The following ALG3 variants were observed in gnomAD, a reference collection of about 807,000 sequenced individuals.
ALG3 encodes dol-P-Man:Man(5)GlcNAc(2)-PP-Dol alpha-1,3-mannosyltransferase.
A neutral mutation model predicts 50.5 loss-of-function variants in ALG3; 39 were observed. The observed-to-expected ratio is 0.77, with a 90% CI of 0.60 to 1.01. The LOEUF (loss-of-function observed/expected upper bound fraction) is 1.01. ALG3 is among the 50% of genes least tolerant of loss of function. The pLI is 0.00. For synonymous variants in ALG3, 252 were observed against 237.2 expected (o/e 1.06, Z -0.58); for missense variants, 520 against 554.8 (o/e 0.94, Z 0.63).
chr3:184,244,459 G>T, intron 5 of ALG3, 142 bp downstream of exon 5: 1 of 1,015,738 alleles, frequency 9.8e-7, no homozygotes, highest in Non-Finnish European at 1.4e-6. Context: ...GGAAACTACA[G>T]CCTAGCGATA....
intron 5 of ALG3, chr3:184,244,345 A>T: frequency 1.8e-6 from 1 of 546,868 alleles, no homozygotes; most frequent in Non-Finnish European, 3.2e-6. Flanking sequence ...GGAGTTTGAG[A>T]CCAGCCTGGG....
Position 184,243,868 on chromosome 3 carries a change from C to A in ALG3, c.855G>T (p.Leu285=). 2 of 1,613,996 alleles carry A rather than the reference C, an allele frequency of 1.2e-6. No homozygotes were observed. The highest frequency in any genetic ancestry group is 1.7e-6 in the Non-Finnish European group (2 of 1,179,902). The change falls in exon 6 of 9, where the codon CTG becomes CTT. Residue 285 remains leucine, a synonymous_variant. Coordinates refer to ENST00000397676, the MANE Select transcript of ALG3 (RefSeq NM_005787.6). The part of the protein sequence containing the change: ...NWRFLPEALF[L]HRAFHLALLT... ...ACAGGGCCAGGTGGAAGGCTCGATGCAGGAAGAGCGCCTCTGGGAGGAAGC... is the reference window on the plus strand; with the variant it reads ...ACAGGGCCAGGTGGAAGGCTCGATGAAGGAAGAGCGCCTCTGGGAGGAAGC...
chr3:184,243,759 A>G (rs1310806570), intron 6 of ALG3, 32 bp downstream of exon 6: 2 of 1,601,086 alleles, frequency 1.2e-6, no homozygotes, highest in Admixed American at 1.7e-5. Flanking sequence ...CCTTCCCCCA[A>G]CTCTGCCCAT....
intron 7 of ALG3, chr3:184,243,266 G>A: frequency 1.8e-6 from 1 of 569,458 alleles, no homozygotes; most frequent in South Asian, 2.3e-5. Context: ...GTAAATGTAA[G>A]TGTACCTCCC....
rs186946267 is a variant in ALG3, at chr3:184,242,883, C to T, written c.1084G>A (p.Val362Ile). The T allele has an allele frequency of 1.4e-3, 2,263 of 1,613,810 alleles. 3 individuals are homozygous for T. Among genetic ancestry groups the T allele is most frequent in the East Asian group, 5.5e-3 (246 of 44,890 alleles). The change falls in exon 8 of 9, where the codon GTC becomes ATC. Residue 362 changes from valine to isoleucine, a missense_variant. Transcript: ENST00000397676. Reference protein sequence around the residue: ...FSRSLHYQFYVWYFHTLPYLL... With the variant: ...FSRSLHYQFYIWYFHTLPYLL... ...TAGGGCAGTGTGTGGAAATACCAGACGTAGAACTGGTAGTGGAGGGAGCGG... is the reference window on the plus strand; with the variant it reads ...TAGGGCAGTGTGTGGAAATACCAGATGTAGAACTGGTAGTGGAGGGAGCGG...
intron 5 of ALG3, 98 bp downstream of exon 5, chr3:184,244,503 C>T: frequency 4.1e-6 from 6 of 1,449,910 alleles, no homozygotes; most frequent in Non-Finnish European, 5.6e-6. Context: ...CTCCAAAACC[C>T]TGTCTCTTGG....
intron 7 of ALG3, chr3:184,243,239 T>A: frequency 1.8e-6 from 1 of 569,514 alleles, no homozygotes; most frequent in Non-Finnish European, 3.1e-6. Flanking sequence ...AATTTTTCCA[T>A]CTGTAAAATG....
upstream of ALG3, chr3:184,249,120 C>T (rs1719382063): frequency 2.0e-6 from 3 of 1,494,600 alleles, no homozygotes; most frequent in Non-Finnish European, 2.7e-6. Flanking sequence ...GCACTCCACG[C>T]TCCATAGGAG....
At position 184,242,923 on chromosome 3, in the gene ALG3, A is replaced by C; in HGVS notation, c.1044T>G (p.Ile348Met). 6.2e-7 allele frequency: 1 copy of C among 1,613,736 alleles called. No homozygotes were observed. The highest frequency in any genetic ancestry group is 8.5e-7 in the Non-Finnish European group (1 of 1,179,852). ...GGAGGGAGCGGCTGAAGCAGATGCC[A>C]ATGAAGTTGGAGGTGAAGAGGGTAG... ...IVSTLFTSNF[I>M]GICFSRSLHY... Residue 348 changes from isoleucine (I) to methionine (M), a missense_variant, in exon 8 of 9, where the codon ATT becomes ATG. Physicochemically the swap from Ile to Met is conservative, Grantham distance 10. Transcript: ENST00000397676.
intron 5 of ALG3, 50 bp downstream of exon 5, chr3:184,244,551 G>T: frequency 6.3e-7 from 1 of 1,581,868 alleles, no homozygotes; most frequent in Middle Eastern, 1.7e-4. Flanking sequence ...CCTCAATCAA[G>T]ACAAGTGGCT....
intron 5 of ALG3, 164 bp downstream of exon 5, chr3:184,244,437 T>C (rs865965573): frequency 2.3e-6 from 2 of 875,852 alleles, no homozygotes; most frequent in Non-Finnish European, 3.4e-6. Flanking sequence ...TAATACCCTA[T>C]TTTACAGCTA....
At position 184,242,661 on chromosome 3, in the gene ALG3, C is replaced by T. The variant is rs758528909; in HGVS notation, c.1170G>A (p.Gly390=). 1.0e-5 allele frequency: 16 copies of T among 1,560,610 alleles called. No homozygotes were observed. The highest frequency in any genetic ancestry group is 1.3e-5 in the Non-Finnish European group (15 of 1,150,260). Residue 390 remains glycine (G), a synonymous_variant, in exon 9 of 9, where the codon GGG becomes GGA. Transcript: ENST00000397676. Reference sequence around the variant, plus strand: ...ATGTGTTCCAGGAGAGCTCGATGAGCCCCAGCACCAACAACCTGGAGATGA... The same window carrying T: ...ATGTGTTCCAGGAGAGCTCGATGAGTCCCAGCACCAACAACCTGGAGATGA... ...LTHLLRLLVL[G]LIELSWNTYP... is the part of the protein sequence containing the mutation.
intron 1 of ALG3, among the ~76,000 whole-genome samples, chr3:184,247,589 C>T (rs970275299): frequency 2.6e-5 from 4 of 152,218 alleles, no homozygotes; most frequent in African/African-American, 7.2e-5. Flanking sequence ...TGTGCCGCTG[C>T]GCCCAGCCTA....
rs1394282601 is a variant in ALG3 at position 184,242,323 on chromosome 3, C to G, written c.*191G>C. 3.7e-6 allele frequency: 3 copies of G among 819,278 alleles called. No homozygotes were observed. The highest frequency in any genetic ancestry group is 2.7e-5 in the East Asian group (1 of 37,638). 50.8% of individuals were successfully genotyped at this position (819,278 alleles called of 1,614,324 possible). On this transcript the variant is annotated 3_prime_UTR_variant, in exon 9 of 9. Transcript: ENST00000397676. Reference sequence around the variant, plus strand: ...CCAAATCCTATGCAATAAAGTGCCTCTTAGGACTGCTTGAGTGAATTCTTT... The same window carrying G: ...CCAAATCCTATGCAATAAAGTGCCTGTTAGGACTGCTTGAGTGAATTCTTT...
Position 184,248,902 on chromosome 3 carries a change from GGAACC to G in ALG3, c.34_38del (p.Gly12ArgfsTer57). The G allele has an allele frequency of 6.3e-7, 1 of 1,598,456 alleles. No homozygotes were observed. On this transcript the variant is annotated frameshift_variant, in exon 1 of 9. Transcript: ENST00000397676. LOFTEE classifies it high-confidence loss of function. Reference sequence around the variant, plus strand: ...TGCAGAGTCCCTCTGCCTGGGCCGCGGAACCGGACCGGCCGCGTTTCCGCAGCCCA... The same window carrying G: ...TGCAGAGTCCCTCTGCCTGGGCCGCGGGACCGGCCGCGTTTCCGCAGCCCA...
intron 1 of ALG3, 99 bp downstream of exon 1, chr3:184,248,646 G>A (rs1022216594): frequency 2.7e-6 from 3 of 1,118,970 alleles, no homozygotes; most frequent in Non-Finnish European, 3.8e-6. Flanking sequence ...ACGAGTGAGT[G>A]GATACAGAGT....
rs961577496 is a variant in ALG3 at position 184,245,786 on chromosome 3, T to C, written c.223A>G (p.Met75Val). The C allele has an allele frequency of 5.6e-6, 9 of 1,613,754 alleles. No individual in the cohort carries two copies. The African/African-American group carries it at 6.7e-5, about 12-fold the overall frequency. The part of the protein sequence containing the change: ...AYTEIDWKAY[M>V]AEVEGVINGT... Reference sequence around the variant, plus strand: ...TTGATGACGCCTTCTACCTCGGCCATGTAGGCCTTCCAGTCAATCTCTGTG... The same window carrying C: ...TTGATGACGCCTTCTACCTCGGCCACGTAGGCCTTCCAGTCAATCTCTGTG... The change falls in exon 2 of 9, where the codon ATG (methionine) becomes GTG (valine). Residue 75 changes from methionine (M) to valine (V), a missense_variant. Physicochemically the swap from Met to Val is conservative, Grantham distance 21. Transcript: ENST00000397676.
In ALG3 at chr3:184,245,339, A is replaced by C. The variant is rs1369856877; in HGVS notation, c.464T>G (p.Phe155Cys). 3 of 1,612,676 alleles carry C rather than the reference A, an allele frequency of 1.9e-6. No individual in the cohort carries two copies. The highest frequency in any genetic ancestry group is 2.5e-6 in the Non-Finnish European group (3 of 1,179,332). The change falls in exon 4 of 9, where the codon TTC becomes TGC. Residue 155 changes from phenylalanine (F) to cysteine (C), a missense_variant. Around this residue, in one of 3 missense-constraint regions of ALG3, gnomAD observed 290 missense variants for 265.9 expected, o/e 1.09. Transcript: ENST00000397676. ...ACGGTAAGAGGCGCAGCACATGAAG[A>C]AAAAGACGAAGGGAGGTACCTAAAG... Reference protein sequence around the residue: ...QTCKVPPFVFFFMCCASYRVH... With the variant: ...QTCKVPPFVFCFMCCASYRVH...
rs998265124 is a variant in ALG3, at chr3:184,245,257, G to C, written c.546C>G (p.Leu182=). ...LFNDPVAMVL[L]FLSINLLLAQ... ...CCAGCAGGAGGTTGATACTGAGGAAGAGCAGCACCATGGCCACTGGGTCAT... is the reference window on the plus strand; with the variant it reads ...CCAGCAGGAGGTTGATACTGAGGAACAGCAGCACCATGGCCACTGGGTCAT... The change falls in exon 4 of 9, where the codon CTC becomes CTG. Residue 182 remains leucine (L), a synonymous_variant. Transcript: ENST00000397676. 2 of 1,613,788 alleles carry C rather than the reference G, an allele frequency of 1.2e-6. No individual in the cohort carries two copies. The highest frequency in any genetic ancestry group is 1.7e-5 in the Admixed American group (1 of 59,982).
Sources: gnomAD v4.1 joint callset for allele counts (sites outside exome capture counted in the v4.1 genomes callset) on GRCh38, gnomAD v4.1.1 for gene constraint, gnomAD v4.1.1 regional missense constraint, MANE v1.5 for transcripts, NCBI Gene and HGNC (gene_info 2026-07-23, HGNC 2026-07-21) for gene names.